The following PBLD variants were observed in gnomAD, a reference collection of about 807,000 sequenced individuals.
PBLD encodes phenazine biosynthesis like protein domain containing, also known as phenazine biosynthesis-like domain-containing protein.
In PBLD, 26 loss-of-function variants were observed where a neutral mutation model predicts 31.3. That is an observed-to-expected ratio of 0.83 (90% confidence interval 0.61 to 1.15). PBLD has a LOEUF of 1.15. Among genes scored for constraint, PBLD ranks in the 50% most tolerant of loss-of-function variants. The pLI, the probability that PBLD is intolerant of heterozygous loss-of-function variation, is 0.00. For missense variants in PBLD, 307 were observed against 351.7 expected (o/e 0.87, Z 1.02); for synonymous variants, 114 against 129.0 (o/e 0.88, Z 0.79).
At chr10:68,319,091 G>GAAAGAAAA (rs996680628) in intron 1 of PBLD, among the ~76,000 whole-genome samples, 1 of 125,330 alleles carries the variant, frequency 8.0e-6, no homozygotes, top group Non-Finnish European at 1.6e-5. Flanking sequence ...AAGAAAGAAA[G>GAAAGAAAA]AAAGAAAGAA....
chr10:68,284,380 C>T (rs944109236), intron 9 of PBLD, 91 bp from the exon 10 acceptor site: 34 of 1,079,240 alleles, frequency 3.2e-5, no homozygotes, highest in Non-Finnish European at 4.2e-5. Context: ...TCTTAGAGTC[C>T]TCCCAGATCA....
chr10:68,304,924 G>A (rs2044556061), intron 2 of PBLD, among the ~76,000 whole-genome samples: 1 of 152,182 alleles, frequency 6.6e-6, no homozygotes, highest in Non-Finnish European at 1.5e-5. Flanking sequence ...AATGGACAAA[G>A]TTTATTACCT....
At chr10:68,292,357 A>T in intron 4 of PBLD, 119 bp from the exon 5 acceptor site, 1 of 872,966 alleles carries the variant, frequency 1.1e-6, no homozygotes, top group Non-Finnish European at 1.8e-6. Context: ...TCTATGATGG[A>T]GCGAGGTTTG....
chr10:68,296,970 T>C lies in PBLD; in HGVS notation c.100A>G (p.Met34Val), dbSNP rs1329605317. Reference sequence around the variant, plus strand: ...ATCTCCCTTGCAATTTTCTGATGCATGTCTTCATCCAATTCCTTAATTAGA... The same window carrying C: ...ATCTCCCTTGCAATTTTCTGATGCACGTCTTCATCCAATTCCTTAATTAGA... ...CLLENELDEDMHQKIAREMNL... is the reference protein window; with the variant it reads ...CLLENELDEDVHQKIAREMNL... Residue 34 changes from methionine to valine, a missense_variant, in exon 3 of 10, where the codon ATG becomes GTG. Transcript: ENST00000358769. 2 of 1,613,256 alleles carry C rather than the reference T, an allele frequency of 1.2e-6. No individual in the cohort carries two copies. The highest frequency in any genetic ancestry group is 1.7e-6 in the Non-Finnish European group (2 of 1,179,200).
At chr10:68,301,425 G>A (rs776542364) in intron 2 of PBLD, among the ~76,000 whole-genome samples, 41 of 152,182 alleles carry the variant, frequency 2.7e-4, no homozygotes, top group Non-Finnish European at 5.0e-4. Flanking sequence ...TCCATGGCCT[G>A]TTGAATGTTT....
chr10:68,287,491 C>T (rs191779108), intron 8 of PBLD: 1 of 152,370 alleles, frequency 6.6e-6, no homozygotes, highest in Non-Finnish European at 1.5e-5. Context: ...TGTTTTGTTA[C>T]TCAGAGAGTA....
chr10:68,315,439 G>A lies in PBLD; in HGVS notation c.-59-8536C>T, dbSNP rs372762353. Among the ~76,000 whole-genome samples, 55 of 151,992 alleles carry A rather than the reference G, an allele frequency of 3.6e-4. No individual in the cohort carries two copies. In the South Asian group the frequency reaches 0.011, roughly 29 times the overall value. ...GTCTCTACTAAAAATACAAAAATCAGCTGAGCATGGTGGTGTGTGCCTGTT... is the reference window on the plus strand; with the variant it reads ...GTCTCTACTAAAAATACAAAAATCAACTGAGCATGGTGGTGTGTGCCTGTT... On this transcript the variant is annotated intron_variant, in intron 1 of 9. Coordinates refer to ENST00000358769, the MANE Select transcript of PBLD (RefSeq NM_022129.4).
chr10:68,285,606 A>G (rs1327880790), intron 8 of PBLD, among the ~76,000 whole-genome samples, 196 bp from the exon 9 acceptor site: 1 of 152,008 alleles, frequency 6.6e-6, no homozygotes, highest in Non-Finnish European at 1.5e-5. Flanking sequence ...TTATGGATAA[A>G]CTCGGCCAAA....
chr10:68,299,683 C>T (rs1353829319), intron 2 of PBLD, among the ~76,000 whole-genome samples: 2 of 151,842 alleles, frequency 1.3e-5, no homozygotes, highest in Non-Finnish European at 2.9e-5. Flanking sequence ...TGGCAAAACC[C>T]CATCACTACT....
chr10:68,325,145 G>T lies in PBLD; in HGVS notation c.-60+7639C>A, dbSNP rs191707736. On this transcript the variant is annotated intron_variant, in intron 1 of 9. Coordinates refer to ENST00000358769, the MANE Select transcript of PBLD (RefSeq NM_022129.4). ...TGTAATCCCAGCGACTCGGGAGGCTGAGGCAGGAGAATTGCTTGAACCCGG... is the reference window on the plus strand; with the variant it reads ...TGTAATCCCAGCGACTCGGGAGGCTTAGGCAGGAGAATTGCTTGAACCCGG... Among the ~76,000 whole-genome samples, 308 of 152,010 alleles carry T rather than the reference G, an allele frequency of 2.0e-3. 4 individuals are homozygous for T. Among genetic ancestry groups the T allele is most frequent in the Admixed American group, 0.013 (203 of 15,274 alleles).
chr10:68,292,939 C>A (rs371783434), intron 4 of PBLD, among the ~76,000 whole-genome samples: 1 of 152,072 alleles, frequency 6.6e-6, no homozygotes, highest in African/African-American at 2.4e-5. Context: ...TGGCTCACTG[C>A]AGCCTTGACC....
chr10:68,288,973 T>G lies in PBLD; in HGVS notation c.470A>C (p.Asp157Ala). 6.2e-7 allele frequency: 1 copy of G among 1,614,126 alleles called. No homozygotes were observed. Among genetic ancestry groups the G allele is most frequent in the South Asian group, 1.1e-5 (1 of 91,086 alleles). ...GAGGCGGACGAGGAGCTTTTGGGTA[T>G]CTGGAGAATAACAGATGTCCTGGAC... ...TLVQDICYSPDTQKLLVRLSD... is the reference protein window; with the variant it reads ...TLVQDICYSPATQKLLVRLSD... The change falls in exon 7 of 10, where the codon GAT becomes GCT. Residue 157 changes from aspartate (D) to alanine (A), a missense_variant. Physicochemically the swap from Asp to Ala is moderately radical, Grantham distance 126. Coordinates refer to ENST00000358769, the MANE Select transcript of PBLD (RefSeq NM_022129.4).
Position 68,296,981 on chromosome 10 carries a change from A to G in PBLD, c.89T>C (p.Leu30Ser), listed in dbSNP as rs2044438674. Residue 30 changes from leucine to serine, a missense_variant, in exon 3 of 10, where the codon TTG (leucine) becomes TCG (serine). Coordinates refer to ENST00000358769, the MANE Select transcript of PBLD (RefSeq NM_022129.4). ...PAAVCLLENE[L>S]DEDMHQKIAR... ...AATTTTCTGATGCATGTCTTCATCCAATTCCTTAATTAGAAACAGACGATC... is the reference window on the plus strand; with the variant it reads ...AATTTTCTGATGCATGTCTTCATCCGATTCCTTAATTAGAAACAGACGATC... 1 of 1,609,270 alleles carries G rather than the reference A, an allele frequency of 6.2e-7. No homozygotes were observed. Among genetic ancestry groups the G allele is most frequent in the Admixed American group, 1.7e-5 (1 of 59,976 alleles).
chr10:68,304,237 G>A (rs990403411), intron 2 of PBLD, among the ~76,000 whole-genome samples: 2 of 152,018 alleles, frequency 1.3e-5, no homozygotes, highest in Non-Finnish European at 2.9e-5. Flanking sequence ...TGCTATCTTC[G>A]CCTCTAGGAG....
chr10:68,296,046 T>C (rs1157295969), intron 4 of PBLD: 1 of 393,932 alleles, frequency 2.5e-6, no homozygotes, highest in Non-Finnish European at 4.6e-6. Context: ...TAAAATAGCA[T>C]TCTGATCGCA....
chr10:68,319,099 G>GAAA, intron 1 of PBLD, among the ~76,000 whole-genome samples: 1 of 125,324 alleles, frequency 8.0e-6, no homozygotes, highest in African/African-American at 3.4e-5. Flanking sequence ...AAGAAAGAAA[G>GAAA]AAAGAAAGAA....
intron 1 of PBLD, among the ~76,000 whole-genome samples, chr10:68,320,953 C>T (rs1204915930): frequency 1.3e-5 from 2 of 152,004 alleles, no homozygotes; most frequent in African/African-American, 4.8e-5. Flanking sequence ...TCCCAAGTAG[C>T]TGGGACTACA....
At chr10:68,293,371 T>C (rs1257521351) in intron 4 of PBLD, among the ~76,000 whole-genome samples, 2 of 152,260 alleles carry the variant, frequency 1.3e-5, no homozygotes, top group Admixed American at 1.3e-4. Flanking sequence ...TGGCATCCCA[T>C]GTTACTGATA....
At chr10:68,330,707 G>GGC (rs934214736) in intron 1 of PBLD, among the ~76,000 whole-genome samples, 1 of 129,170 alleles carries the variant, frequency 7.7e-6, no homozygotes, top group African/African-American at 3.0e-5. Context: ...CACCACGCCC[G>GGC]GCGTGTGTGT....
Sources: allele counts gnomAD v4.1 joint callset (sites outside exome capture counted in the v4.1 genomes callset), GRCh38; gene constraint gnomAD v4.1.1; transcripts MANE v1.5; gene names NCBI Gene and HGNC (gene_info 2026-07-23, HGNC 2026-07-21).